BRWD3: variants seen among roughly 807,000 people sequenced by gnomAD.
The protein encoded by BRWD3 is bromodomain and WD repeat-containing protein 3.
BRWD3 carries 10 observed loss-of-function variants against 149.7 expected under a neutral mutation model. That is an observed-to-expected ratio of 0.07 (90% CI 0.04 to 0.11). The LOEUF (loss-of-function observed/expected upper bound fraction) is 0.11, where lower values mean the gene tolerates loss of function less well. BRWD3 is among the 10% of genes least tolerant of loss of function. The pLI is 1.00. For missense variants in BRWD3, 940 were observed against 1,373.2 expected, an observed-to-expected ratio of 0.68 and a Z score of 4.99; for synonymous variants, 504 against 456.7, an observed-to-expected ratio of 1.10 and a Z score of -1.32.
intron 6 of BRWD3, among the ~76,000 whole-genome samples, chrX:80,751,958 A>AT (rs2073673318): frequency 9.8e-6 from 1 of 102,007 alleles, no homozygotes; most frequent in South Asian, 4.4e-4. Flanking sequence ...ATTTTCCTTT[A>AT]TTTTTTCAAT....
chrX:80,675,089 A>G lies in BRWD3; in HGVS notation c.*1520T>C, dbSNP rs764083753. The G allele has an allele frequency of 2.7e-5, 3 of 111,893 alleles. No homozygotes were observed. The highest frequency in any genetic ancestry group is 9.7e-5 in the African/African-American group (3 of 30,891). The allele number at this position is 111,893 out of a possible 1,213,427, so 9.2% of individuals were successfully genotyped here. ...CCTCAGAAATGTAAGTATCTAACAA[A>G]TGAACAAATCTGTAATATTAAATTT... is the stretch of plus-strand genomic sequence containing the variant. On this transcript the variant is annotated 3_prime_UTR_variant, in exon 41 of 41. Transcript: ENST00000373275.
chrX:80,805,402 C>G (rs778138833), intron 4 of BRWD3, among the ~76,000 whole-genome samples: 1 of 111,286 alleles, frequency 9.0e-6, no homozygotes, highest in Admixed American at 9.6e-5. Flanking sequence ...ATGCAGTATA[C>G]GTGGCCATGC....
At chrX:80,682,817 A>G (rs776047431) in intron 37 of BRWD3, among the ~76,000 whole-genome samples, 189 bp from the exon 38 acceptor site, 7 of 111,671 alleles carry the variant, frequency 6.3e-5, no homozygotes, top group Non-Finnish European at 1.3e-4. Context: ...ATAGTATTCA[A>G]TGTTCTAAAA....
chrX:80,731,737 A>G, intron 12 of BRWD3, among the ~76,000 whole-genome samples: 1 of 108,550 alleles, frequency 9.2e-6, no homozygotes, highest in East Asian at 2.9e-4. Context: ...TACTAAAAAT[A>G]CAAAAAAATT....
At position 80,809,554 on chromosome X, in the gene BRWD3, C is replaced by G. The variant is rs1295954595; in HGVS notation, c.-83G>C. ...GGGCGCTGCCTCTATTGTGGTGAAG[C>G]CCCCATGCCCGGGAGTCCCGCCGCT... On this transcript the variant is annotated 5_prime_UTR_variant, in exon 1 of 41. Transcript: ENST00000373275. 3 of 589,292 alleles carry G rather than the reference C, an allele frequency of 5.1e-6. No individual in the cohort carries two copies. Among genetic ancestry groups the G allele is most frequent in the African/African-American group, 2.4e-5 (1 of 41,621 alleles). The allele number at this position is 589,292 out of a possible 1,213,427, so 48.6% of individuals were successfully genotyped here.
chrX:80,802,032 TAC>T (rs777564239), intron 4 of BRWD3, among the ~76,000 whole-genome samples: 2 of 112,396 alleles, frequency 1.8e-5, no homozygotes, highest in East Asian at 5.6e-4. Flanking sequence ...TCTTTTGACA[TAC>T]ATTCATGTTT....
chrX:80,759,150 T>C (rs1158707752), intron 6 of BRWD3, among the ~76,000 whole-genome samples: 2 of 111,872 alleles, frequency 1.8e-5, no homozygotes, highest in Non-Finnish European at 3.8e-5. Flanking sequence ...AAAGACTACA[T>C]TAGGTTTCTT....
rs951183074 is a variant in BRWD3 at position 80,672,671 on chromosome X, C to T, written c.*3938G>A. The T allele has an allele frequency of 9.0e-6, 1 of 111,585 alleles. No homozygotes were observed. The highest frequency in any genetic ancestry group is 3.3e-5 in the African/African-American group (1 of 30,663). 9.2% of individuals were successfully genotyped at this position (111,585 alleles called of 1,213,427 possible). ...TTTAGAATATTCTATTTCTGATAAA[C>T]CTTTCATAAAGCCTCACGTTCCACA... On this transcript the variant is annotated 3_prime_UTR_variant, in exon 41 of 41. Coordinates refer to ENST00000373275, the MANE Select transcript of BRWD3 (RefSeq NM_153252.5).
chrX:80,686,437 A>G (rs1236212926), intron 35 of BRWD3, among the ~76,000 whole-genome samples: 3 of 107,987 alleles, frequency 2.8e-5, no homozygotes, highest in South Asian at 3.9e-4. Context: ...ATATATATAT[A>G]TATAAATTAA....
At chrX:80,693,666 G>A (rs1220090812) in intron 27 of BRWD3, among the ~76,000 whole-genome samples, 1 of 111,912 alleles carries the variant, frequency 8.9e-6, no homozygotes, top group Non-Finnish European at 1.9e-5. Flanking sequence ...CCTAAGATCT[G>A]TGGAAACTTG....
At chrX:80,777,072 CA>C (rs565895344) in intron 6 of BRWD3, among the ~76,000 whole-genome samples, 143 of 96,713 alleles carry the variant, frequency 1.5e-3, no homozygotes, top group East Asian at 2.6e-3. Context: ...TATGCTTAAA[CA>C]AAAAAAAAAA....
At chrX:80,685,042 TA>T (rs1353163424) in intron 36 of BRWD3, among the ~76,000 whole-genome samples, 16 of 111,772 alleles carry the variant, frequency 1.4e-4, no homozygotes, top group African/African-American at 5.2e-4. Flanking sequence ...CTTATTTTCT[TA>T]AATCATAAAA....
At chrX:80,769,916 A>AT (rs1255713845) in intron 6 of BRWD3, among the ~76,000 whole-genome samples, 7 of 111,681 alleles carry the variant, frequency 6.3e-5, no homozygotes, top group Non-Finnish European at 1.3e-4. Flanking sequence ...GATAAAGGGG[A>AT]TATCACCACT....
At chrX:80,777,481 C>A (rs935410047) in intron 6 of BRWD3, among the ~76,000 whole-genome samples, 3 of 111,499 alleles carry the variant, frequency 2.7e-5, no homozygotes, top group Admixed American at 1.9e-4. Flanking sequence ...CAGCCTCAAC[C>A]TCCTTGGCTC....
chrX:80,722,437 A>G (rs2073163992), intron 17 of BRWD3, 125 bp downstream of exon 17: 2 of 644,514 alleles, frequency 3.1e-6, no homozygotes, highest in East Asian at 7.1e-5. Flanking sequence ...AATAAACAGT[A>G]ACAGAAGATG....
rs937178689 is a variant in BRWD3 at position 80,729,988 on chromosome X, G to A, written c.1160C>T (p.Thr387Met). 5.8e-6 allele frequency: 7 copies of A among 1,201,062 alleles called. No homozygotes were observed. The highest frequency in any genetic ancestry group is 1.7e-5 in the African/African-American group (1 of 57,442). The change falls in exon 13 of 41, where the codon ACG becomes ATG. Residue 387 changes from threonine (T) to methionine (M), a missense_variant. Thr to Met is a moderately conservative substitution (Grantham distance 81). Transcript: ENST00000373275. ...LRFVSGSRDG[T>M]ARIWQYQQQE... ...TTGCTGATACTGCCAAATTCTTGCC[G>A]TTCCATCTCGACTTCCACTAACAAA...
intron 19 of BRWD3, chrX:80,717,035 T>G (rs2073082699): frequency 8.7e-6 from 1 of 114,350 alleles, no homozygotes; most frequent in South Asian, 3.5e-4. Flanking sequence ...TCCTTTCTCT[T>G]TTCTAAATCT....
At chrX:80,681,959 C>A (rs754741013) in intron 39 of BRWD3, 38 bp downstream of exon 39, 1 of 1,062,700 alleles carries the variant, frequency 9.4e-7, no homozygotes. Context: ...CAGAATTAAA[C>A]CGAGATGCAG....
chrX:80,681,609 TA>T, intron 39 of BRWD3, 110 bp from the exon 40 acceptor site: 1 of 616,343 alleles, frequency 1.6e-6, no homozygotes, highest in Non-Finnish European at 2.5e-6. Context: ...ACACCAAAAT[TA>T]TAAGTTTCTC....
Sources: gnomAD v4.1 joint callset for allele counts (sites outside exome capture counted in the v4.1 genomes callset) on GRCh38, gnomAD v4.1.1 for gene constraint, MANE v1.5 for transcripts, NCBI Gene and HGNC (gene_info 2026-07-23, HGNC 2026-07-21) for gene names.